The following GET4 variants were observed in gnomAD, a reference collection of about 807,000 sequenced individuals.
GET4 encodes guided entry of tail-anchored proteins factor 4, also known as Golgi to ER traffic protein 4 homolog.
In GET4, 20 loss-of-function variants were observed where a neutral mutation model predicts 40.0. The ratio of observed to expected loss-of-function variants is 0.50; its 90% CI spans 0.35 to 0.73. The LOEUF (loss-of-function observed/expected upper bound fraction) is 0.73, where lower values mean the gene tolerates loss of function less well. GET4 is among the 30% of genes least tolerant of loss of function. The pLI is 0.01. For missense variants in GET4, 557 were observed against 454.0 expected, an observed-to-expected ratio of 1.23 and a Z score of -2.06; for synonymous variants, 280 against 194.6, an observed-to-expected ratio of 1.44 and a Z score of -3.65.
chr7:876,928 G>C, intron 1 of GET4, 128 bp downstream of exon 1: 2 of 353,738 alleles, frequency 5.7e-6, no homozygotes, highest in Non-Finnish European at 8.1e-6. Context: ...TGGACCCAGG[G>C]GCCGCGGGTC....
Position 895,386 on chromosome 7 carries a change from G to C in GET4, c.948G>C (p.Glu316Asp), listed in dbSNP as rs1844455603. 6.3e-7 allele frequency: 1 copy of C among 1,598,256 alleles called. No homozygotes were observed. Among genetic ancestry groups the C allele is most frequent in the African/African-American group, 1.3e-5 (1 of 74,636 alleles). Residue 316 changes from glutamate to aspartate, a missense_variant, in exon 9 of 9, where the codon GAG becomes GAC. Physicochemically the swap from Glu to Asp is conservative, Grantham distance 45 (BLOSUM62 2). Transcript: ENST00000265857. ...MGSSEQEDGE[E>D]SPSDGSPIEL... ...CCTCAGAGCAGGAGGATGGGGAGGAGAGCCCCAGCGACGGCAGCCCCATCG... is the reference window on the plus strand; with the variant it reads ...CCTCAGAGCAGGAGGATGGGGAGGACAGCCCCAGCGACGGCAGCCCCATCG...
At chr7:884,217 C>T (rs1364583174) in intron 1 of GET4, 56 of 1,303,792 alleles carry the variant, frequency 4.3e-5, no homozygotes, top group Non-Finnish European at 5.0e-5. Flanking sequence ...CGGTTCTGCC[C>T]GTGGCCCCAC....
In GET4 at chr7:891,008, T is replaced by C; in HGVS notation, c.547T>C (p.Ser183Pro). 1 of 1,612,188 alleles carries C rather than the reference T, an allele frequency of 6.2e-7. No homozygotes were observed. The highest frequency in any genetic ancestry group is 8.5e-7 in the Non-Finnish European group (1 of 1,178,468). The change falls in exon 5 of 9, where the codon TCC becomes CCC. Residue 183 changes from serine (S) to proline (P), a missense_variant. Physicochemically the swap from Ser to Pro is moderately conservative, Grantham distance 74 (BLOSUM62 -1). Transcript: ENST00000265857. Reference sequence around the variant, plus strand: ...CTGTGCCAACATGCTGGTGGAGTATTCCACGTCCCGCGGCTTCCGCAGCGA... The same window carrying C: ...CTGTGCCAACATGCTGGTGGAGTATCCCACGTCCCGCGGCTTCCGCAGCGA... ...EGCANMLVEYSTSRGFRSEVD... is the reference protein window; with the variant it reads ...EGCANMLVEYPTSRGFRSEVD...
intron 3 of GET4, 95 bp downstream of exon 3, chr7:886,745 G>C: frequency 1.2e-6 from 1 of 839,622 alleles, no homozygotes; most frequent in East Asian, 2.4e-5. Flanking sequence ...CTGCGTTTGG[G>C]GGTCTTGTGT....
At chr7:894,386 G>A (rs902070784) in intron 8 of GET4, among the ~76,000 whole-genome samples, 1 of 152,176 alleles carries the variant, frequency 6.6e-6, no homozygotes, top group Non-Finnish European at 1.5e-5. Context: ...CACTGTGGGT[G>A]GTGGTTCGTG....
chr7:883,404 C>CT, intron 1 of GET4: 1 of 613,550 alleles, frequency 1.6e-6, no homozygotes, highest in Non-Finnish European at 2.0e-6. Flanking sequence ...TGAGCTCGGT[C>CT]TTTCTTCATT....
intron 1 of GET4, 139 bp from the exon 2 acceptor site, chr7:885,917 C>G (rs1844177879): frequency 1.5e-6 from 1 of 673,548 alleles, no homozygotes; most frequent in Admixed American, 2.2e-5. Context: ...CCACGCAGCA[C>G]CTGGGCCCTG....
At chr7:882,873 C>T (rs1162327386) in intron 1 of GET4, 1 of 152,260 alleles carries the variant, frequency 6.6e-6, no homozygotes, top group African/African-American at 2.4e-5. Context: ...TGGCTGAGAC[C>T]ACAGCCCAGG....
At chr7:895,211 T>A (rs537881926) in intron 8 of GET4, 123 bp from the exon 9 acceptor site, 1 of 579,580 alleles carries the variant, frequency 1.7e-6, no homozygotes, top group African/African-American at 1.9e-5. Flanking sequence ...ACAGTAGCGA[T>A]GTGAGGCTTT....
intron 1 of GET4, chr7:879,758 C>G (rs772760219): frequency 6.6e-6 from 1 of 152,236 alleles, no homozygotes; most frequent in Non-Finnish European, 1.5e-5. Flanking sequence ...CTAATTTTAT[C>G]TCTGGAAGAA....
intron 8 of GET4, among the ~76,000 whole-genome samples, chr7:894,315 G>A (rs1276585713): frequency 6.6e-6 from 1 of 152,190 alleles, no homozygotes; most frequent in Non-Finnish European, 1.5e-5. Flanking sequence ...GACGCTGCCA[G>A]CCGTCGTGCT....
In GET4 at chr7:885,552, G is replaced by T. The variant is rs898133632; in HGVS notation, c.156-504G>T. The T allele has an allele frequency of 1.6e-3, 246 of 155,938 alleles. 2 individuals are homozygous for T. Among genetic ancestry groups the T allele is most frequent in the Non-Finnish European group, 2.8e-3 (199 of 70,458 alleles). The allele number at this position is 155,938 out of a possible 1,614,324, so 9.7% of individuals were successfully genotyped here. On this transcript the variant is annotated intron_variant, in intron 1 of 8. Transcript: ENST00000265857. ...CCCCAGACCCTTCCCTCCCGTGGGG[G>T]GAGGGGTGTGGCACGCAGAGGGGCA...
chr7:883,859 G>T (rs953165323), intron 1 of GET4: 22 of 1,019,022 alleles, frequency 2.2e-5, no homozygotes, highest in Non-Finnish European at 2.6e-5. Context: ...GCCTGTCACC[G>T]GCATTCCTGG....
intron 8 of GET4, among the ~76,000 whole-genome samples, 184 bp from the exon 9 acceptor site, chr7:895,150 G>T (rs995064498): frequency 6.6e-6 from 1 of 152,038 alleles, no homozygotes; most frequent in Non-Finnish European, 1.5e-5. Context: ...CTCTGTGGTC[G>T]TCGGCTCCCT....
chr7:892,298 A>G lies in GET4; in HGVS notation c.626A>G (p.Lys209Arg). The G allele has an allele frequency of 6.3e-7, 1 of 1,589,200 alleles. No homozygotes were observed. The highest frequency in any genetic ancestry group is 8.6e-7 in the Non-Finnish European group (1 of 1,158,956). The change falls in exon 6 of 9, where the codon AAA becomes AGA. Residue 209 changes from lysine (K) to arginine (R), a missense_variant. Transcript: ENST00000265857. ...TCCAGGTTTCTCTGTTTAAAAAACAAAAGTAGCGCATCGGTGGTCTTCACG... is the reference window on the plus strand; with the variant it reads ...TCCAGGTTTCTCTGTTTAAAAAACAGAAGTAGCGCATCGGTGGTCTTCACG... ...AVLQFLCLKN[K>R]SSASVVFTTY...
chr7:879,070 C>T (rs1346566687), intron 1 of GET4, among the ~76,000 whole-genome samples: 2 of 152,144 alleles, frequency 1.3e-5, no homozygotes, highest in East Asian at 3.9e-4. Context: ...GAGAGCATCA[C>T]GCAGTGCAGC....
At chr7:879,292 G>A (rs1255879064) in intron 1 of GET4, among the ~76,000 whole-genome samples, 1 of 152,224 alleles carries the variant, frequency 6.6e-6, no homozygotes, top group East Asian at 1.9e-4. Context: ...GGCACGCCGC[G>A]GTGCCACGTG....
At chr7:878,750 T>G (rs572200354) in intron 1 of GET4, among the ~76,000 whole-genome samples, 27 of 152,108 alleles carry the variant, frequency 1.8e-4, no homozygotes, top group African/African-American at 6.3e-4. Flanking sequence ...CCGGCTAATT[T>G]TTGTATTTTT....
rs1453017738 is a variant in GET4, at chr7:895,885, C to CTGTT, written c.*465_*468dup. 1.3e-5 allele frequency: 2 copies of CTGTT among 152,830 alleles called. No individual in the cohort carries two copies. The highest frequency in any genetic ancestry group is 4.8e-5 in the African/African-American group (2 of 41,494). The allele number at this position is 152,830 out of a possible 1,614,324, so 9.5% of individuals were successfully genotyped here. ...CCATGTGGTCTGCAAATGGGAGCGG[C>CTGTT]TGTTTTTGAACACGGGGTCATTCTG... On this transcript the variant is annotated 3_prime_UTR_variant, in exon 9 of 9. Transcript: ENST00000265857.
Sources: gnomAD v4.1 joint callset for allele counts (sites outside exome capture counted in the v4.1 genomes callset) on GRCh38, gnomAD v4.1.1 for gene constraint, MANE v1.5 for transcripts, NCBI Gene and HGNC (gene_info 2026-07-23, HGNC 2026-07-21) for gene names.